The following KLRG1 variants were observed in gnomAD, a reference collection of about 807,000 sequenced individuals.
KLRG1 encodes killer cell lectin-like receptor subfamily G member 1.
A neutral mutation model predicts 21.8 loss-of-function variants in KLRG1; 16 were observed. That is an observed-to-expected ratio of 0.73 (90% CI 0.50 to 1.11). The LOEUF (loss-of-function observed/expected upper bound fraction) is 1.11. KLRG1 is among the 50% of genes most tolerant of loss of function. The pLI, the probability that KLRG1 is intolerant of heterozygous loss-of-function variation, is 0.00. For synonymous variants in KLRG1, 69 were observed against 75.9 expected (o/e 0.91, Z 0.47); for missense variants, 173 against 218.3 (o/e 0.79, Z 1.31).
chr12:9,175,334 T>C, the KLRG1 span, among the ~76,000 whole-genome samples: 1 of 152,132 alleles, frequency 6.6e-6, no homozygotes, highest in Non-Finnish European at 1.5e-5. Flanking sequence ...AATACTTAAA[T>C]GTGAAACCCA....
intron 1 of KLRG1, among the ~76,000 whole-genome samples, chr12:8,953,327 A>C (rs11048195): frequency 6.6e-6 from 1 of 152,076 alleles, no homozygotes; most frequent in African/African-American, 2.4e-5. Context: ...TTCAGAATGG[A>C]AAGTGTGTGC....
At chr12:9,074,188 A>G in the KLRG1 span, among the ~76,000 whole-genome samples, 1 of 151,608 alleles carries the variant, frequency 6.6e-6, no homozygotes, top group South Asian at 2.1e-4. Flanking sequence ...ATTTGCGAGG[A>G]GAGGTTGTTG....
chr12:9,114,730 C>T, the KLRG1 span, among the ~76,000 whole-genome samples: 3 of 98,838 alleles, frequency 3.0e-5, no homozygotes, highest in African/African-American at 1.8e-4. Flanking sequence ...AATACATATA[C>T]ATAAATACAT....
At chr12:9,192,031 T>C in the KLRG1 span, among the ~76,000 whole-genome samples, 1 of 152,204 alleles carries the variant, frequency 6.6e-6, no homozygotes, top group Non-Finnish European at 1.5e-5. Flanking sequence ...CTGTTGACTG[T>C]TGAATTTTAA....
the KLRG1 span, chr12:9,098,692 G>T: frequency 6.2e-7 from 1 of 1,611,940 alleles, no homozygotes; most frequent in Non-Finnish European, 8.5e-7. Flanking sequence ...CTGAGGAGCC[G>T]CTGTGACTCG....
At chr12:9,074,540 G>A in the KLRG1 span, 2 of 1,585,694 alleles carry the variant, frequency 1.3e-6, no homozygotes, top group Non-Finnish European at 1.7e-6. Context: ...TGAAATAAAA[G>A]GTTTTGGCAA....
At chr12:9,200,222 T>C in the KLRG1 span, 1 of 522,176 alleles carries the variant, frequency 1.9e-6, no homozygotes, top group Non-Finnish European at 3.4e-6. Flanking sequence ...AAAATTTTAA[T>C]AGTAAGTCGT....
chr12:9,160,172 C>G, the KLRG1 span: 2 of 1,104,600 alleles, frequency 1.8e-6, no homozygotes, highest in Non-Finnish European at 2.6e-6. Flanking sequence ...ATAGATCAAA[C>G]ACAACATCCT....
Position 9,009,814 on chromosome 12 carries a change from T to C in KLRG1, c.*277T>C. On this transcript the variant is annotated 3_prime_UTR_variant, in exon 5 of 5. Coordinates refer to ENST00000356986, the MANE Select transcript of KLRG1 (RefSeq NM_005810.4). ...TTGTATTTCTCAGTATGGAAACTAA[T>C]GCTGCCACTCTCATCCCCGTCCCAA... 9 of 1,428,198 alleles carry C rather than the reference T, an allele frequency of 6.3e-6. No homozygotes were observed. The highest frequency in any genetic ancestry group is 7.3e-6 in the Non-Finnish European group (8 of 1,097,640). The allele number at this position is 1,428,198 out of a possible 1,614,324, so 88.5% of individuals were successfully genotyped here.
chr12:9,015,891 C>T, the KLRG1 span, among the ~76,000 whole-genome samples: 2 of 152,004 alleles, frequency 1.3e-5, no homozygotes, highest in African/African-American at 2.4e-5. Flanking sequence ...GGAAATTAAA[C>T]AGTATGTTAC....
At chr12:9,101,451 T>G in the KLRG1 span, 35 of 1,611,360 alleles carry the variant, frequency 2.2e-5, no homozygotes, top group Non-Finnish European at 8.5e-7. Context: ...TCTCACCAGA[T>G]AATAGAAGGA....
At chr12:8,952,367 T>C (rs776021262) in intron 1 of KLRG1, among the ~76,000 whole-genome samples, 6 of 152,248 alleles carry the variant, frequency 3.9e-5, no homozygotes, top group Non-Finnish European at 7.3e-5. Context: ...AATCTTTGTA[T>C]TTTTTGTAGA....
At chr12:9,154,554 A>G in the KLRG1 span, 2 of 1,456,236 alleles carry the variant, frequency 1.4e-6, no homozygotes, top group Non-Finnish European at 9.5e-7. Flanking sequence ...TAACTGTTCT[A>G]CTTTTAAGCC....
At chr12:9,126,575 A>G in the KLRG1 span, among the ~76,000 whole-genome samples, 1 of 152,206 alleles carries the variant, frequency 6.6e-6, no homozygotes, top group Non-Finnish European at 1.5e-5. Flanking sequence ...CAGGGACTCC[A>G]GGTCTTTCAG....
chr12:8,994,442 G>A (rs970468453), intron 2 of KLRG1, among the ~76,000 whole-genome samples: 1 of 152,106 alleles, frequency 6.6e-6, no homozygotes. Flanking sequence ...AAAAGAGCTC[G>A]GTTAGGGCAT....
chr12:9,119,296 G>A, the KLRG1 span, among the ~76,000 whole-genome samples: 3 of 152,224 alleles, frequency 2.0e-5, no homozygotes, highest in Non-Finnish European at 4.4e-5. Flanking sequence ...AGGGATTAAT[G>A]TTAATAGCAT....
At chr12:9,155,959 G>A in the KLRG1 span, 1 of 162,272 alleles carries the variant, frequency 6.2e-6, no homozygotes. Flanking sequence ...GAGGCAGCAT[G>A]CCATATGGGT....
At chr12:9,030,302 CATA>C in the KLRG1 span, among the ~76,000 whole-genome samples, 2 of 152,094 alleles carry the variant, frequency 1.3e-5, no homozygotes, top group African/African-American at 4.8e-5. Flanking sequence ...ATAAAGTGTA[CATA>C]ATATAAAGTT....
chr12:9,052,300 G>A, the KLRG1 span, among the ~76,000 whole-genome samples: 1 of 152,112 alleles, frequency 6.6e-6, no homozygotes, highest in Non-Finnish European at 1.5e-5. Context: ...TTTAAATAAA[G>A]AGACTCTAAG....
Sources: allele counts gnomAD v4.1 joint callset (sites outside exome capture counted in the v4.1 genomes callset), GRCh38; gene constraint gnomAD v4.1.1; transcripts MANE v1.5; gene names NCBI Gene and HGNC (gene_info 2026-07-23, HGNC 2026-07-21).